CCDC138: variants seen among roughly 807,000 people sequenced by gnomAD.
The protein encoded by CCDC138 is coiled-coil domain-containing protein 138.
CCDC138 carries 66 observed loss-of-function variants against 82.3 expected under a neutral mutation model. That is an observed-to-expected ratio of 0.80 (90% CI 0.66 to 0.98). The LOEUF is 0.98. Ranked by LOEUF, CCDC138 falls within the 50% of genes least tolerant of loss-of-function variation. The pLI is 0.00. For missense variants in CCDC138, 816 were observed against 758.9 expected (o/e 1.08, Z -0.88); for synonymous variants, 297 against 265.4 (o/e 1.12, Z -1.16).
rs573443744 is a variant in CCDC138 at position 108,826,857 on chromosome 2, G to C, written c.1206+10752G>C. Among the ~76,000 whole-genome samples the C allele has an allele frequency of 3.3e-5, 5 of 152,282 alleles. No individual in the cohort carries two copies. In the South Asian group the frequency reaches 1.0e-3, roughly 32 times the overall value. ...GAAGTCTTGGCATCTTAACAACATT[G>C]TCTGCTAATCCATGAACAAGATGTC... On this transcript the variant is annotated intron_variant, in intron 10 of 14. Coordinates refer to ENST00000295124, the MANE Select transcript of CCDC138 (RefSeq NM_144978.3).
chr2:108,794,803 ATTTC>A, intron 5 of CCDC138, 82 bp downstream of exon 5: 1 of 1,008,718 alleles, frequency 9.9e-7, no homozygotes, highest in Non-Finnish European at 1.4e-6. Context: ...AATATAATAT[ATTTC>A]ATTTTAATTA....
intron 11 of CCDC138, among the ~76,000 whole-genome samples, chr2:108,842,824 A>G (rs1429332133): frequency 6.6e-6 from 1 of 152,216 alleles, no homozygotes; most frequent in African/African-American, 2.4e-5. Context: ...GGCAACATCA[A>G]ATTATAAGCA....
rs532183510 is a variant in CCDC138 at position 108,798,277 on chromosome 2, A to G, written c.577-151A>G. 4.4e-4 allele frequency: 297 copies of G among 673,648 alleles called. 1 individual carries two copies. Among genetic ancestry groups the G allele is most frequent in the South Asian group, 2.6e-4 (12 of 46,370 alleles). 41.7% of individuals were successfully genotyped at this position (673,648 alleles called of 1,614,324 possible). On this transcript the variant is annotated intron_variant, in intron 5 of 14. Coordinates refer to ENST00000295124, the MANE Select transcript of CCDC138 (RefSeq NM_144978.3). ...TAATTTCTGTGCAAGTTTACTTGCTATACTAGTCTAGCTACTGTAATCCAG... is the reference window on the plus strand; with the variant it reads ...TAATTTCTGTGCAAGTTTACTTGCTGTACTAGTCTAGCTACTGTAATCCAG...
intron 11 of CCDC138, among the ~76,000 whole-genome samples, chr2:108,843,114 A>G (rs1317403718): frequency 2.6e-5 from 4 of 151,434 alleles, no homozygotes; most frequent in African/African-American, 4.9e-5. Flanking sequence ...ATTATATCCT[A>G]TCTATCTGTT....
At chr2:108,859,760 T>G (rs559864572) in intron 13 of CCDC138, among the ~76,000 whole-genome samples, 2 of 152,170 alleles carry the variant, frequency 1.3e-5, no homozygotes, top group East Asian at 1.9e-4. Flanking sequence ...TTCTTTTTAC[T>G]TAAGTTTGTT....
intron 13 of CCDC138, among the ~76,000 whole-genome samples, chr2:108,865,759 A>T (rs1694312377): frequency 6.6e-6 from 1 of 152,106 alleles, no homozygotes. Context: ...ATCCATTCCC[A>T]GGTAGAAGCT....
At chr2:108,866,712 G>A (rs1013213833) in intron 13 of CCDC138, among the ~76,000 whole-genome samples, 4 of 152,070 alleles carry the variant, frequency 2.6e-5, no homozygotes, top group Non-Finnish European at 4.4e-5. Context: ...GTGAAACCCC[G>A]TCTCTACTAA....
downstream of CCDC138, among the ~76,000 whole-genome samples, chr2:108,881,224 T>C (rs756274014): frequency 6.6e-6 from 1 of 152,246 alleles, no homozygotes; most frequent in Non-Finnish European, 1.5e-5. Context: ...ACACCAGCAC[T>C]TGTTGCTTCA....
chr2:108,853,783 C>T (rs1435610376), intron 12 of CCDC138, among the ~76,000 whole-genome samples: 2 of 143,256 alleles, frequency 1.4e-5, no homozygotes, highest in African/African-American at 5.2e-5. Flanking sequence ...CTCTTGGCCC[C>T]TCAAAGCAGT....
chr2:108,835,117 CTT>C (rs1688357138), intron 10 of CCDC138, among the ~76,000 whole-genome samples: 1 of 152,166 alleles, frequency 6.6e-6, no homozygotes, highest in Non-Finnish European at 1.5e-5. Flanking sequence ...GATCTCATCT[CTT>C]TTTAAAATAT....
At chr2:108,876,021 G>A (rs1695977729) in intron 14 of CCDC138, 67 bp from the exon 15 acceptor site, 4 of 990,008 alleles carry the variant, frequency 4.0e-6, no homozygotes, top group Non-Finnish European at 6.0e-6. Context: ...TAAATTATCT[G>A]TCAGTGTCAT....
chr2:108,879,855 C>T (rs1448827316), downstream of CCDC138, among the ~76,000 whole-genome samples: 1 of 152,106 alleles, frequency 6.6e-6, no homozygotes, highest in African/African-American at 2.4e-5. Context: ...TTTACCTCCT[C>T]TCTTCCAACC....
chr2:108,811,247 C>CTCTTTTTTTTTTTTTTTTTTTT lies in CCDC138; in HGVS notation c.856-1383_856-1382insCTTTTTTTTTTTTTTTTTTTTT, dbSNP rs760937756. 1.6e-3 allele frequency among the ~76,000 whole-genome samples: 184 copies of CTCTTTTTTTTTTTTTTTTTTTT among 113,806 alleles called. 5 individuals carry two copies. Among genetic ancestry groups the CTCTTTTTTTTTTTTTTTTTTTT allele is most frequent in the African/African-American group, 6.8e-3 (179 of 26,176 alleles). The allele number at this position is 113,806 out of a possible 152,430, so 74.7% of individuals were successfully genotyped here. A position where few individuals can be genotyped will look rare whatever the true frequency, so the allele number is the denominator to read the frequency against. On this transcript the variant is annotated intron_variant, in intron 7 of 14. Transcript: ENST00000295124. The stretch of plus-strand genomic sequence containing the variant: ...CTCCCTTTTCTTTCTTTCTCTCTCT[C>CTCTTTTTTTTTTTTTTTTTTTT]TTTTTTTTTTTTTTTGACTGTCTCC...
chr2:108,818,065 G>A (rs1295576661), intron 10 of CCDC138, among the ~76,000 whole-genome samples: 1 of 152,194 alleles, frequency 6.6e-6, no homozygotes, highest in Non-Finnish European at 1.5e-5. Context: ...TTGCACTTCG[G>A]GAGGTTGAAG....
intron 10 of CCDC138, among the ~76,000 whole-genome samples, chr2:108,816,421 A>G (rs995547416): frequency 1.3e-5 from 2 of 152,200 alleles, no homozygotes; most frequent in African/African-American, 4.8e-5. Context: ...ACTGCACTCC[A>G]GCCTGGGCAA....
At position 108,786,896 on chromosome 2, in the gene CCDC138, G is replaced by C; in HGVS notation, c.74G>C (p.Gly25Ala). ...AGTCTCAAAAGCCGCTACGGACTCG[G>C]GGGCAGCTGCCCCGACGAGGTGAAG... is the stretch of plus-strand genomic sequence containing the variant. ...VESLKSRYGL[G>A]GSCPDEYDFS... Residue 25 changes from glycine (G) to alanine (A), a missense_variant, in exon 1 of 15, where the codon GGG (glycine) becomes GCG (alanine). Transcript: ENST00000295124. The C allele has an allele frequency of 6.4e-7, 1 of 1,555,428 alleles. No individual in the cohort carries two copies. The highest frequency in any genetic ancestry group is 2.0e-5 in the Admixed American group (1 of 51,076).
In CCDC138 at chr2:108,873,498, C is replaced by T. The variant is rs763016292; in HGVS notation, c.1741C>T (p.Arg581Cys). The T allele has an allele frequency of 1.3e-5, 21 of 1,606,580 alleles. No homozygotes were observed. Among genetic ancestry groups the T allele is most frequent in the East Asian group, 6.7e-5 (3 of 44,724 alleles). The change falls in exon 14 of 15, where the codon CGT becomes TGT. Residue 581 changes from arginine to cysteine, a missense_variant. Physicochemically the swap from Arg to Cys is radical, Grantham distance 180 (BLOSUM62 -3). Transcript: ENST00000295124. ...LEACSNSLFF[R>C]TCSVLLRAPK... ...AGCCTGTAGCAACTCTTTATTTTTT[C>T]GTACTTGCTCTGTGCTGCTTCGAGC...
intron 7 of CCDC138, among the ~76,000 whole-genome samples, chr2:108,811,732 A>G (rs1683903125): frequency 6.6e-6 from 1 of 152,058 alleles, no homozygotes; most frequent in South Asian, 2.1e-4. Context: ...TGAACATTGT[A>G]CCCAGTAGGT....
chr2:108,806,600 G>A (rs1292760260), intron 7 of CCDC138, among the ~76,000 whole-genome samples: 3 of 152,072 alleles, frequency 2.0e-5, no homozygotes, highest in Non-Finnish European at 2.9e-5. Flanking sequence ...CTCTGCCATC[G>A]TAATGCGAAA....
Sources: gnomAD v4.1 joint callset for allele counts (sites outside exome capture counted in the v4.1 genomes callset) on GRCh38, gnomAD v4.1.1 for gene constraint, MANE v1.5 for transcripts, NCBI Gene and HGNC (gene_info 2026-07-23, HGNC 2026-07-21) for gene names.